The following COPA variants were observed in gnomAD, a reference collection of about 807,000 sequenced individuals.
COPA encodes coatomer subunit alpha.
A neutral mutation model predicts 158.7 loss-of-function variants in COPA; 10 were observed. That is an observed-to-expected ratio of 0.06 (90% CI 0.04 to 0.11). The LOEUF is 0.11. Ranked by LOEUF, COPA falls within the 10% of genes least tolerant of loss-of-function variation. The probability of loss-of-function intolerance (pLI) is 1.00; values close to 1 mark genes in which losing one functional copy is unlikely to be tolerated. For synonymous variants in COPA, 462 were observed against 542.8 expected (o/e 0.85, Z 2.07); for missense variants, 1,065 against 1,536.7 (o/e 0.69, Z 5.13).
chr1:160,314,339 C>A (rs144684922), intron 8 of COPA, among the ~76,000 whole-genome samples: 1 of 152,106 alleles, frequency 6.6e-6, no homozygotes, highest in Non-Finnish European at 1.5e-5. Flanking sequence ...TATAAAACCT[C>A]TTCTCTTGGC....
chr1:160,317,634 A>C (rs1659190576), intron 8 of COPA: 1 of 1,539,472 alleles, frequency 6.5e-7, no homozygotes, highest in Admixed American at 1.7e-5. Flanking sequence ...ATACTCCAAA[A>C]GAACTGGGAA....
intron 17 of COPA, among the ~76,000 whole-genome samples, chr1:160,300,232 CG>C (rs1219395771): frequency 3.3e-5 from 5 of 151,782 alleles, no homozygotes; most frequent in Admixed American, 2.0e-4. Context: ...CCCAACTACT[CG>C]GAAGGCTGAG....
At chr1:160,325,409 A>C in intron 7 of COPA, 134 bp downstream of exon 7, 1 of 717,294 alleles carries the variant, frequency 1.4e-6, no homozygotes. Context: ...TTTGATTTCT[A>C]GTACCTCAAA....
chr1:160,300,875 T>C (rs1336663047), intron 17 of COPA, among the ~76,000 whole-genome samples: 2 of 152,084 alleles, frequency 1.3e-5, no homozygotes, highest in African/African-American at 2.4e-5. Flanking sequence ...TCCCAGCACT[T>C]TGGGAGGCTG....
intron 14 of COPA, among the ~76,000 whole-genome samples, chr1:160,306,821 C>T (rs936326954): frequency 2.0e-5 from 3 of 152,174 alleles, no homozygotes; most frequent in African/African-American, 4.8e-5. Flanking sequence ...TTGTGCTGGA[C>T]CTATTACATT....
At chr1:160,308,495 A>C (rs1483624049) in intron 13 of COPA, among the ~76,000 whole-genome samples, 1 of 152,200 alleles carries the variant, frequency 6.6e-6, no homozygotes, top group Non-Finnish European at 1.5e-5. Context: ...ACTAGCCATA[A>C]ACCCGCTGGA....
intron 8 of COPA, among the ~76,000 whole-genome samples, chr1:160,315,919 G>A (rs1398848351): frequency 1.3e-5 from 2 of 152,184 alleles, no homozygotes; most frequent in East Asian, 3.9e-4. Flanking sequence ...GTTTAACAAA[G>A]AGATTGAAAC....
Position 160,297,340 on chromosome 1 carries a change from T to C in COPA, c.2263+3A>G, listed in dbSNP as rs1658449638. The C allele has an allele frequency of 1.2e-6, 2 of 1,613,840 alleles. No individual in the cohort carries two copies. Among genetic ancestry groups the C allele is most frequent in the Non-Finnish European group, 1.7e-6 (2 of 1,179,734 alleles). On this transcript the variant is annotated splice_donor_region_variant and intron_variant, in intron 21 of 32. Coordinates refer to ENST00000241704, the MANE Select transcript of COPA (RefSeq NM_004371.4). ...AAAAAGCTGGCAAGTCTCGGATACT[T>C]ACTCTGTCCACAGTTCTTCAGGATC...
intron 13 of COPA, among the ~76,000 whole-genome samples, chr1:160,307,712 G>A (rs188540297): frequency 1.6e-4 from 25 of 152,350 alleles, no homozygotes; most frequent in Admixed American, 1.4e-3. Flanking sequence ...CTTGACAGGA[G>A]AGCTTGGTGC....
rs1571192513 is a variant in COPA, at chr1:160,343,242, G to A, written c.-72C>T. On this transcript the variant is annotated 5_prime_UTR_variant, in exon 1 of 33. In the 5' UTR this introduces an upstream ATG that the reference lacks. Transcript: ENST00000241704. ...CCTGCTGCCCTTCGGACGCCTCCACGTCAGCGACCCTCTCCCGCGGTTTCC... is the reference window on the plus strand; with the variant it reads ...CCTGCTGCCCTTCGGACGCCTCCACATCAGCGACCCTCTCCCGCGGTTTCC... 2 of 1,600,734 alleles carry A rather than the reference G, an allele frequency of 1.2e-6. No individual in the cohort carries two copies. Among genetic ancestry groups the A allele is most frequent in the Non-Finnish European group, 1.7e-6 (2 of 1,167,866 alleles).
At chr1:160,321,722 AG>A (rs1659334746) in intron 8 of COPA, among the ~76,000 whole-genome samples, 1 of 152,172 alleles carries the variant, frequency 6.6e-6, no homozygotes, top group African/African-American at 2.4e-5. Flanking sequence ...TGGGAGGGGG[AG>A]GTTTCAGTAA....
In COPA at chr1:160,325,537, A is replaced by G; in HGVS notation, c.606+6T>C. 2.5e-6 allele frequency: 4 copies of G among 1,611,020 alleles called. No homozygotes were observed. Among genetic ancestry groups the G allele is most frequent in the Non-Finnish European group, 3.4e-6 (4 of 1,177,104 alleles). ...ATATTCAGCCCCTGGCTATAAAGAT[A>G]AGTACCTCTAGTACATGCTTCACCA... is the stretch of plus-strand genomic sequence containing the variant. On this transcript the variant is annotated splice_donor_region_variant and intron_variant, in intron 7 of 32. Transcript: ENST00000241704.
intron 17 of COPA, chr1:160,305,221 A>ATT: frequency 6.3e-6 from 3 of 473,916 alleles, no homozygotes; most frequent in Non-Finnish European, 1.1e-5. Context: ...TTGTTATTCT[A>ATT]TTTTTTTTTA....
intron 31 of COPA, 82 bp from the exon 32 acceptor site, chr1:160,290,768 TC>T: frequency 7.6e-7 from 1 of 1,317,818 alleles, no homozygotes; most frequent in Non-Finnish European, 1.1e-6. Context: ...GTTTGGTAGT[TC>T]CGTTGATGTG....
chr1:160,325,601 C>T lies in COPA; in HGVS notation c.548G>A (p.Gly183Glu). Residue 183 changes from glycine to glutamate, a missense_variant, in exon 7 of 33, where the codon GGA becomes GAA. By Grantham distance (98) the Gly-to-Glu change is moderately conservative (BLOSUM62 -2). This residue lies in a region of COPA where 980 missense variants were observed against 1,357.8 expected (regional missense o/e 0.72). Transcript: ENST00000241704. Reference sequence around the variant, plus strand: ...TCCAAATAGATCAACCCCAGTTATTCCTCTCACATCCGATTCCACCGCACC... The same window carrying T: ...TCCAAATAGATCAACCCCAGTTATTTCTCTCACATCCGATTCCACCGCACC... Reference protein sequence around the residue: ...SPGAVESDVRGITGVDLFGTT... With the variant: ...SPGAVESDVREITGVDLFGTT... 1 of 1,614,180 alleles carries T rather than the reference C, an allele frequency of 6.2e-7. No homozygotes were observed. Among genetic ancestry groups the T allele is most frequent in the Non-Finnish European group, 8.5e-7 (1 of 1,180,020 alleles).
chr1:160,320,643 C>CGATAAAAT (rs1659302589), intron 8 of COPA, among the ~76,000 whole-genome samples: 1 of 127,910 alleles, frequency 7.8e-6, no homozygotes, highest in South Asian at 2.6e-4. Flanking sequence ...GATTGAACCA[C>CGATAAAAT]GATAAAATAG....
intron 17 of COPA, among the ~76,000 whole-genome samples, chr1:160,302,594 G>A (rs981197443): frequency 4.1e-5 from 5 of 122,974 alleles, no homozygotes; most frequent in Non-Finnish European, 7.9e-5. Flanking sequence ...TCACTCTGTC[G>A]CCCAGGTTGG....
Position 160,335,225 on chromosome 1 carries a change from C to T in COPA, c.309+17G>A. The T allele has an allele frequency of 1.3e-6, 2 of 1,594,610 alleles. No homozygotes were observed. The highest frequency in any genetic ancestry group is 1.7e-6 in the Non-Finnish European group (2 of 1,170,630). ...AACTAAGAATGCTCCAAAACTAGCG[C>T]CACCATGACTACTTACATGATGAAA... On this transcript the variant is annotated intron_variant, in intron 4 of 32. Coordinates refer to ENST00000241704, the MANE Select transcript of COPA (RefSeq NM_004371.4).
intron 19 of COPA, among the ~76,000 whole-genome samples, chr1:160,298,169 G>C (rs962561721): frequency 4.0e-5 from 6 of 150,148 alleles, no homozygotes; most frequent in Non-Finnish European, 7.4e-5. Context: ...CAACAAGAGC[G>C]AGACTCCGCC....
Sources: gnomAD v4.1 joint callset for allele counts (sites outside exome capture counted in the v4.1 genomes callset) on GRCh38, gnomAD v4.1.1 for gene constraint, gnomAD v4.1.1 regional missense constraint, MANE v1.5 for transcripts, NCBI Gene and HGNC (gene_info 2026-07-23, HGNC 2026-07-21) for gene names.